The following MROH1 variants were observed in gnomAD, a reference collection of about 807,000 sequenced individuals.
MROH1 encodes the protein maestro heat-like repeat-containing protein family member 1.
In MROH1, 117 loss-of-function variants were observed where a neutral mutation model predicts 116.5. The observed-to-expected ratio is 1.00, with a 90% CI of 0.86 to 1.17. The LOEUF is 1.17. MROH1 is among the 50% of genes most tolerant of loss of function. The pLI is 0.00. For missense variants in MROH1, 1,873 were observed against 1,338.5 expected (o/e 1.40, Z -6.23); for synonymous variants, 921 against 583.9 (o/e 1.58, Z -8.32).
chr8:144,247,598 G>A lies in MROH1; in HGVS notation c.3039G>A (p.Ala1013=), dbSNP rs980381349. ...GFSRDYRDDV[A]ERLLSLKDGL... is the part of the protein sequence containing the mutation. ...CCCGGGACTACCGCGATGACGTGGC[G>A]GAGCGGCTCCTCAGCCTCAAGGACG... Residue 1013 remains alanine, a synonymous_variant, in exon 31 of 44, where the codon GCG becomes GCA. Transcript: ENST00000326134. 30 of 773,208 alleles carry A rather than the reference G, an allele frequency of 3.9e-5. No homozygotes were observed. The highest frequency in any genetic ancestry group is 7.3e-5 in the East Asian group (3 of 41,158). 47.9% of individuals were successfully genotyped at this position (773,208 alleles called of 1,614,324 possible).
chr8:144,187,231 T>C (rs1827426524), intron 7 of MROH1, among the ~76,000 whole-genome samples: 1 of 152,070 alleles, frequency 6.6e-6, no homozygotes, highest in African/African-American at 2.4e-5. Context: ...GGCATCATAG[T>C]GAGACCTCTG....
chr8:144,206,681 C>T (rs1321766501), intron 12 of MROH1, among the ~76,000 whole-genome samples: 2 of 151,550 alleles, frequency 1.3e-5, no homozygotes, highest in African/African-American at 4.8e-5. Flanking sequence ...GCCTCGGTCT[C>T]CCAAAGTGCT....
chr8:144,230,702 T>C (rs958162447), intron 14 of MROH1, among the ~76,000 whole-genome samples: 2 of 151,994 alleles, frequency 1.3e-5, no homozygotes, highest in African/African-American at 4.8e-5. Context: ...TTGGAGGAGT[T>C]TGAGAAGGAT....
chr8:144,238,166 G>GTTT (rs1323261757), intron 14 of MROH1, among the ~76,000 whole-genome samples: 2 of 139,008 alleles, frequency 1.4e-5, no homozygotes, highest in Non-Finnish European at 3.1e-5. Flanking sequence ...AAATATCACT[G>GTTT]TTTTTTTTTT....
At chr8:144,171,293 G>A (rs1324241411) in intron 4 of MROH1, among the ~76,000 whole-genome samples, 1 of 152,232 alleles carries the variant, frequency 6.6e-6, no homozygotes, top group African/African-American at 2.4e-5. Context: ...AGAATGCAGG[G>A]ACAGAGTGGC....
intron 14 of MROH1, among the ~76,000 whole-genome samples, chr8:144,235,415 A>G (rs1839887813): frequency 6.6e-6 from 1 of 152,202 alleles, no homozygotes; most frequent in Non-Finnish European, 1.5e-5. Flanking sequence ...CGGTGCGAGC[A>G]GACAGCCTTG....
chr8:144,208,223 C>T (rs1057426266), intron 12 of MROH1, among the ~76,000 whole-genome samples: 17 of 152,096 alleles, frequency 1.1e-4, no homozygotes, highest in African/African-American at 3.9e-4. Context: ...GGATTACAGG[C>T]GTGAGCCACC....
chr8:144,190,243 T>C (rs900261194), intron 7 of MROH1, among the ~76,000 whole-genome samples: 3 of 152,186 alleles, frequency 2.0e-5, no homozygotes, highest in African/African-American at 7.2e-5. Context: ...AACAGTCACA[T>C]CTGGCCAGGC....
intron 12 of MROH1, chr8:144,214,100 A>C (rs1401421913): frequency 2.0e-5 from 3 of 152,154 alleles, no homozygotes; most frequent in Non-Finnish European, 4.4e-5. Flanking sequence ...CCCACCAGCA[A>C]CCTGGGCCAA....
rs1414374628 is a variant in MROH1 at position 144,163,093 on chromosome 8, A to G, written c.-56-678A>G. 6.6e-6 allele frequency among the ~76,000 whole-genome samples: 1 copy of G among 152,214 alleles called. No individual in the cohort carries two copies. The highest frequency in any genetic ancestry group is 1.9e-4 in the East Asian group (1 of 5,200). Reference sequence around the variant, plus strand: ...GCGCAGGGAGGTGTCCTGGCTGGTCAGGGATGGGTCATGGTGTCTCTCCTT... The same window carrying G: ...GCGCAGGGAGGTGTCCTGGCTGGTCGGGGATGGGTCATGGTGTCTCTCCTT... On this transcript the variant is annotated intron_variant, in intron 2 of 43. Coordinates refer to ENST00000326134, the MANE Select transcript of MROH1 (RefSeq NM_032450.3). The surrounding 1 kb of genome is among the most constrained non-coding windows in gnomAD (Gnocchi z 4.4).
intron 4 of MROH1, chr8:144,175,495 GCAC>G: frequency 2.0e-6 from 2 of 985,432 alleles, no homozygotes; most frequent in African/African-American, 3.5e-5. Flanking sequence ...CCCAGTTCCT[GCAC>G]TATACCGGCC....
Position 144,191,712 on chromosome 8 carries a change from C to G in MROH1, c.715-3C>G, listed in dbSNP as rs1828651700. The G allele has an allele frequency of 6.2e-7, 1 of 1,612,290 alleles. No individual in the cohort carries two copies. The highest frequency in any genetic ancestry group is 8.5e-7 in the Non-Finnish European group (1 of 1,179,616). On this transcript the variant is annotated splice_polypyrimidine_tract_variant and splice_region_variant and intron_variant, in intron 8 of 43. Coordinates refer to ENST00000326134, the MANE Select transcript of MROH1 (RefSeq NM_032450.3). ...AAGCTTCCCGCCCACTGTCCCCTCTCAGCTCCGTCTTGCCGTGGTGGAGGC... is the reference window on the plus strand; with the variant it reads ...AAGCTTCCCGCCCACTGTCCCCTCTGAGCTCCGTCTTGCCGTGGTGGAGGC...
At position 144,161,783 on chromosome 8, in the gene MROH1, C is replaced by T. The variant is rs569170269; in HGVS notation, c.-57+694C>T. On this transcript the variant is annotated intron_variant, in intron 2 of 43. Coordinates refer to ENST00000326134, the MANE Select transcript of MROH1 (RefSeq NM_032450.3). ...GGGGTGCTGCACGGTCGTGGACTGG[C>T]GTTGGTTCCGCCCGTTTCTTCCTGG... 4.0e-4 allele frequency among the ~76,000 whole-genome samples: 61 copies of T among 152,312 alleles called. 3 individuals are homozygous for T. The South Asian group carries it at 0.012, about 30-fold the overall frequency.
At chr8:144,208,540 G>C (rs1833369343) in intron 12 of MROH1, among the ~76,000 whole-genome samples, 1 of 151,802 alleles carries the variant, frequency 6.6e-6, no homozygotes, top group Non-Finnish European at 1.5e-5. Context: ...CCCTACTCCA[G>C]TGTGACCCCC....
In MROH1 at chr8:144,261,101, G is replaced by T; in HGVS notation, c.4672-13G>T. ...GGGCGGGGCCAGGCGGCACTGACCA[G>T]GCCTCTCCCCAGATGCACCATTTCC... On this transcript the variant is annotated splice_polypyrimidine_tract_variant and intron_variant, in intron 41 of 43. Transcript: ENST00000326134. 1 of 775,510 alleles carries T rather than the reference G, an allele frequency of 1.3e-6. No homozygotes were observed. The allele number at this position is 775,510 out of a possible 1,614,324, so 48.0% of individuals were successfully genotyped here.
chr8:144,159,727 A>G (rs1274429718), intron 1 of MROH1, among the ~76,000 whole-genome samples: 1 of 151,006 alleles, frequency 6.6e-6, no homozygotes, highest in Non-Finnish European at 1.5e-5. Flanking sequence ...TCATCCTCAC[A>G]ATGGGTTGGA....
In MROH1 at chr8:144,250,127, T is replaced by C. The variant is rs1343542914; in HGVS notation, c.3274-85T>C. 4 of 711,540 alleles carry C rather than the reference T, an allele frequency of 5.6e-6. No individual in the cohort carries two copies. The East Asian group carries it at 7.9e-5, about 14-fold the overall frequency. 44.1% of individuals were successfully genotyped at this position (711,540 alleles called of 1,614,324 possible). On this transcript the variant is annotated intron_variant, in intron 32 of 43. Transcript: ENST00000326134. The stretch of plus-strand genomic sequence containing the variant: ...CTCTGCATCTCATGGGGCTCCCTCA[T>C]GGCCCCACCCCCTTGGGCTGGCGTA...
rs1844886075 is a variant in MROH1, at chr8:144,260,745, CTG to C, written c.4452_4453del (p.Cys1484Ter). 3 of 779,384 alleles carry C rather than the reference CTG, an allele frequency of 3.8e-6. No individual in the cohort carries two copies. The highest frequency in any genetic ancestry group is 7.2e-6 in the Non-Finnish European group (3 of 417,794). 48.3% of individuals were successfully genotyped at this position (779,384 alleles called of 1,614,324 possible). ...GHLNKVCHGD[C>X]EDVFLDQVVG... ...ACCTTAACAAGGTCTGCCACGGAGA[CTG>C]TGAGGACGTCTTCCTGGACCAGGTG... On this transcript the variant is annotated frameshift_variant, in exon 40 of 44. Transcript: ENST00000326134. LOFTEE classifies it high-confidence loss of function.
chr8:144,238,532 A>T (rs1244335415), intron 14 of MROH1, among the ~76,000 whole-genome samples: 1 of 152,204 alleles, frequency 6.6e-6, no homozygotes, highest in East Asian at 1.9e-4. Context: ...TAGCTTAGCA[A>T]ATGCTCAAGG....
Sources: gnomAD v4.1 joint callset for allele counts (sites outside exome capture counted in the v4.1 genomes callset) on GRCh38, gnomAD v4.1.1 for gene constraint, Gnocchi (gnomAD v3.1) non-coding constraint, MANE v1.5 for transcripts, NCBI Gene and HGNC (gene_info 2026-07-23, HGNC 2026-07-21) for gene names.